Variants in LRFN5 observed in about 807,000 individuals in gnomAD.
LRFN5 encodes the protein leucine rich repeat and fibronectin type III domain containing 5.
In LRFN5, 24 loss-of-function variants were observed where a neutral mutation model predicts 45.6. That is an observed-to-expected ratio of 0.53 (90% confidence interval 0.38 to 0.74). The LOEUF (loss-of-function observed/expected upper bound fraction) is 0.74. LRFN5 is among the 30% of genes least tolerant of loss of function. The pLI is 0.00. For missense variants in LRFN5, 776 were observed against 861.5 expected, an observed-to-expected ratio of 0.90 and a Z score of 1.24; for synonymous variants, 340 against 313.8, an observed-to-expected ratio of 1.08 and a Z score of -0.88.
At chr14:41,705,959 A>G (rs1883046846) in intron 1 of LRFN5, among the ~76,000 whole-genome samples, 1 of 152,182 alleles carries the variant, frequency 6.6e-6, no homozygotes, top group African/African-American at 2.4e-5. Flanking sequence ...CAACTTGACT[A>G]CTGTGCCTCC....
At chr14:41,671,897 T>C (rs866486771) in intron 1 of LRFN5, among the ~76,000 whole-genome samples, 10 of 152,134 alleles carry the variant, frequency 6.6e-5, no homozygotes, top group South Asian at 6.2e-4. Flanking sequence ...AAATTACAGA[T>C]GTGAGCCACT....
intron 4 of LRFN5, among the ~76,000 whole-genome samples, chr14:41,897,305 A>G (rs1195726326): frequency 6.6e-6 from 1 of 151,850 alleles, no homozygotes; most frequent in Non-Finnish European, 1.5e-5. Context: ...AAATTACACA[A>G]ACAGTGAATA....
intron 1 of LRFN5, among the ~76,000 whole-genome samples, chr14:41,734,786 G>A (rs144620177): frequency 1.3e-5 from 2 of 151,590 alleles, no homozygotes; most frequent in African/African-American, 4.8e-5. Flanking sequence ...GTAGTGGTAT[G>A]CTTTGAATTA....
rs530668178 is a variant in LRFN5 at position 41,755,962 on chromosome 14, C to T, written c.-196-10892C>T. On this transcript the variant is annotated intron_variant, in intron 1 of 5. Coordinates refer to ENST00000298119, the MANE Select transcript of LRFN5 (RefSeq NM_152447.5). ...AGGAGCCCTTTTAGGGCAGGCCTGGCGGTGAGAAAATCTCTCAGCATTTGC... is the reference window on the plus strand; with the variant it reads ...AGGAGCCCTTTTAGGGCAGGCCTGGTGGTGAGAAAATCTCTCAGCATTTGC... 2.4e-3 allele frequency among the ~76,000 whole-genome samples: 366 copies of T among 152,212 alleles called. 1 individual carries two copies. The highest frequency in any genetic ancestry group is 4.2e-3 in the Non-Finnish European group (286 of 68,008).
intron 2 of LRFN5, among the ~76,000 whole-genome samples, chr14:41,867,683 A>G (rs1202290867): frequency 6.6e-6 from 1 of 152,036 alleles, no homozygotes; most frequent in Non-Finnish European, 1.5e-5. Flanking sequence ...TTTTATCTCC[A>G]TCAGATCTCT....
intron 2 of LRFN5, among the ~76,000 whole-genome samples, chr14:41,881,806 A>G (rs958897018): frequency 1.3e-5 from 2 of 152,198 alleles, no homozygotes; most frequent in East Asian, 3.8e-4. Flanking sequence ...GTTATATTTT[A>G]GATCATATAC....
chr14:41,735,035 AC>A (rs1289074444), intron 1 of LRFN5, among the ~76,000 whole-genome samples: 1 of 152,028 alleles, frequency 6.6e-6, no homozygotes, highest in Admixed American at 6.6e-5. Context: ...CTTTCTTTAA[AC>A]CATCATCGTA....
intron 2 of LRFN5, among the ~76,000 whole-genome samples, chr14:41,877,822 T>C (rs1300729346): frequency 6.6e-6 from 1 of 152,182 alleles, no homozygotes; most frequent in Non-Finnish European, 1.5e-5. Flanking sequence ...GGTAGATTCC[T>C]GCAATGCACT....
intron 2 of LRFN5, among the ~76,000 whole-genome samples, chr14:41,784,494 G>A (rs779072998): frequency 1.6e-4 from 24 of 150,836 alleles, no homozygotes; most frequent in Non-Finnish European, 3.2e-4. Context: ...TTTCTTCCTC[G>A]CAAAGACTCT....
At chr14:41,761,872 G>T (rs1885684799) in intron 1 of LRFN5, among the ~76,000 whole-genome samples, 1 of 151,732 alleles carries the variant, frequency 6.6e-6, no homozygotes, top group Admixed American at 6.6e-5. Context: ...CTTCATCTGG[G>T]CCTGGTTTTA....
At chr14:41,793,036 A>G (rs1404199819) in intron 2 of LRFN5, among the ~76,000 whole-genome samples, 2 of 151,566 alleles carry the variant, frequency 1.3e-5, no homozygotes, top group Non-Finnish European at 2.9e-5. Flanking sequence ...ATTGGGAGAT[A>G]TACCTAATGC....
At chr14:41,752,608 GTTGT>G (rs1211498110) in intron 1 of LRFN5, among the ~76,000 whole-genome samples, 6 of 152,122 alleles carry the variant, frequency 3.9e-5, no homozygotes, top group Non-Finnish European at 7.4e-5. Flanking sequence ...TTTTGATGGG[GTTGT>G]TTGTTTTTTT....
intron 4 of LRFN5, among the ~76,000 whole-genome samples, chr14:41,897,448 A>G (rs1379017576): frequency 6.6e-6 from 1 of 152,070 alleles, no homozygotes; most frequent in East Asian, 1.9e-4. Context: ...TATACATCAC[A>G]TACATTTGTA....
At chr14:41,814,287 C>T (rs1356259305) in intron 2 of LRFN5, among the ~76,000 whole-genome samples, 1 of 152,060 alleles carries the variant, frequency 6.6e-6, no homozygotes, top group Non-Finnish European at 1.5e-5. Flanking sequence ...TTTAGAGCAA[C>T]TTTTCTAATC....
intron 5 of LRFN5, among the ~76,000 whole-genome samples, chr14:41,900,822 A>G (rs1891079554): frequency 6.6e-6 from 1 of 152,118 alleles, no homozygotes. Flanking sequence ...CCTACTGAAG[A>G]CAGTGTGTGA....
At chr14:41,616,062 A>G (rs1887916967) in intron 1 of LRFN5, among the ~76,000 whole-genome samples, 1 of 152,152 alleles carries the variant, frequency 6.6e-6, no homozygotes, top group Non-Finnish European at 1.5e-5. Flanking sequence ...GAACATTCAG[A>G]TCATATGATT....
intron 5 of LRFN5, among the ~76,000 whole-genome samples, chr14:41,900,978 T>C (rs1374853493): frequency 2.0e-5 from 3 of 152,050 alleles, no homozygotes; most frequent in African/African-American, 7.2e-5. Context: ...CCTGTTAAGG[T>C]GAATTTTTTT....
At chr14:41,893,939 A>G (rs1890862202) in intron 4 of LRFN5, 1 of 985,266 alleles carries the variant, frequency 1.0e-6, no homozygotes, top group Non-Finnish European at 1.2e-6. Flanking sequence ...AATCAAAAGC[A>G]GCACTCAGAG....
intron 5 of LRFN5, among the ~76,000 whole-genome samples, chr14:41,900,325 A>T (rs1350608974): frequency 6.6e-6 from 1 of 152,068 alleles, no homozygotes; most frequent in East Asian, 1.9e-4. Context: ...TTCACATTTG[A>T]AATGGAATAT....
Sources: allele counts gnomAD v4.1 joint callset (sites outside exome capture counted in the v4.1 genomes callset), GRCh38; gene constraint gnomAD v4.1.1; transcripts MANE v1.5; gene names NCBI Gene and HGNC (gene_info 2026-07-23, HGNC 2026-07-21).